Variants in TACC2 observed in about 807,000 individuals in gnomAD.
TACC2 encodes transforming acidic coiled-coil containing protein 2, also known as transforming acidic coiled-coil-containing protein 2.
TACC2 carries 137 observed loss-of-function variants against 227.3 expected under a neutral mutation model. That is an observed-to-expected ratio of 0.60 (90% CI 0.52 to 0.69). The LOEUF (loss-of-function observed/expected upper bound fraction) is 0.69. TACC2 is among the 30% of genes least tolerant of loss of function. The pLI, the probability that TACC2 is intolerant of heterozygous loss-of-function variation, is 0.00. For missense variants in TACC2, 3,470 were observed against 3,694.4 expected, an observed-to-expected ratio of 0.94 and a Z score of 1.57; for synonymous variants, 1,523 against 1,487.5, an observed-to-expected ratio of 1.02 and a Z score of -0.55.
At chr10:122,020,673 C>T (rs1263344738) in intron 1 of TACC2, among the ~76,000 whole-genome samples, 20 of 152,114 alleles carry the variant, frequency 1.3e-4, no homozygotes, top group Admixed American at 1.3e-3. Flanking sequence ...AACTTTTGGC[C>T]TCCCCAAACT....
chr10:122,156,709 G>A (rs1442154480), intron 7 of TACC2, among the ~76,000 whole-genome samples: 1 of 152,136 alleles, frequency 6.6e-6, no homozygotes, highest in Non-Finnish European at 1.5e-5. Flanking sequence ...CAATTCTCTG[G>A]TGTCACTTTA....
chr10:122,064,148 C>T (rs191934305), intron 3 of TACC2, among the ~76,000 whole-genome samples: 57 of 151,958 alleles, frequency 3.8e-4, no homozygotes, highest in African/African-American at 1.3e-3. Context: ...GGTGACAGAG[C>T]GAGACTCTGT....
chr10:122,013,175 C>A (rs1302756895), intron 1 of TACC2, among the ~76,000 whole-genome samples: 3 of 152,110 alleles, frequency 2.0e-5, no homozygotes, highest in African/African-American at 7.2e-5. Flanking sequence ...TTTCCCAGCC[C>A]TGATATTCTA....
chr10:122,029,185 T>C (rs548530413), intron 2 of TACC2, among the ~76,000 whole-genome samples: 1 of 151,828 alleles, frequency 6.6e-6, no homozygotes, highest in East Asian at 1.9e-4. Context: ...AACATAATGC[T>C]TGTAATCAAG....
intron 7 of TACC2, chr10:122,163,653 C>G: frequency 6.3e-6 from 6 of 957,038 alleles, no homozygotes; most frequent in Non-Finnish European, 7.6e-6. Context: ...CCCGCACGCC[C>G]CGGGCAGAGC....
chr10:122,021,893 C>G, intron 1 of TACC2, 44 bp from the exon 2 acceptor site: 2 of 1,247,696 alleles, frequency 1.6e-6, no homozygotes, highest in Non-Finnish European at 2.3e-6. Context: ...AACCTCAGAT[C>G]TTTTTTCATT....
intron 5 of TACC2, among the ~76,000 whole-genome samples, chr10:122,090,546 C>CAAAA (rs1188822419): frequency 1.7e-4 from 7 of 40,936 alleles, no homozygotes; most frequent in African/African-American, 2.6e-4. Flanking sequence ...GACTCTATCT[C>CAAAA]AAAAAAAAAA....
intron 11 of TACC2, among the ~76,000 whole-genome samples, chr10:122,222,965 CTTGGA>C (rs2095549735): frequency 3.3e-5 from 5 of 151,886 alleles, no homozygotes; most frequent in Admixed American, 3.3e-4. Context: ...GAGTTTTATA[CTTGGA>C]AAGTGATAGA....
intron 12 of TACC2, among the ~76,000 whole-genome samples, chr10:122,225,944 T>A (rs1452379126): frequency 6.6e-6 from 1 of 152,186 alleles, no homozygotes; most frequent in Non-Finnish European, 1.5e-5. Context: ...CCAGCTGAGT[T>A]GCTCTCCAGG....
chr10:122,046,503 T>TA (rs1303925277), intron 2 of TACC2, among the ~76,000 whole-genome samples: 1 of 150,666 alleles, frequency 6.6e-6, no homozygotes, highest in Non-Finnish European at 1.5e-5. Flanking sequence ...AAATAATAAT[T>TA]AAAAAAAGAA....
Position 122,249,450 on chromosome 10 carries a change from G to A in TACC2, c.8661-94G>A, listed in dbSNP as rs1015773753. 3.2e-6 allele frequency: 5 copies of A among 1,539,180 alleles called. No homozygotes were observed. In the African/African-American group the frequency reaches 6.8e-5, roughly 21 times the overall value. The stretch of plus-strand genomic sequence containing the variant: ...CTCCAGTTGGTGGCAGCTGGGGCCA[G>A]ACCAGGCCACTCTCCCTGCCTGGAC... On this transcript the variant is annotated intron_variant, in intron 21 of 22. Coordinates refer to ENST00000369005, the MANE Select transcript of TACC2 (RefSeq NM_206862.4).
intron 1 of TACC2, among the ~76,000 whole-genome samples, chr10:121,995,125 A>G (rs1186336924): frequency 2.0e-5 from 3 of 152,322 alleles, no homozygotes; most frequent in Non-Finnish European, 2.9e-5. Flanking sequence ...GGAGAAAGTC[A>G]TTTGAAAGCT....
At chr10:122,134,885 C>T (rs1216478052) in intron 6 of TACC2, among the ~76,000 whole-genome samples, 2 of 152,162 alleles carry the variant, frequency 1.3e-5, no homozygotes, top group African/African-American at 2.4e-5. Flanking sequence ...TTCTGAAGGC[C>T]CCTCCCATGC....
intron 3 of TACC2, among the ~76,000 whole-genome samples, chr10:122,062,939 T>C (rs540638511): frequency 1.2e-4 from 19 of 152,236 alleles, no homozygotes; most frequent in African/African-American, 4.3e-4. Context: ...GGGGGCCTTA[T>C]GAGGAAATCA....
intron 5 of TACC2, among the ~76,000 whole-genome samples, chr10:122,121,926 C>T (rs2085888491): frequency 6.6e-6 from 1 of 152,198 alleles, no homozygotes; most frequent in Non-Finnish European, 1.5e-5. Context: ...ATGGCATGCC[C>T]ACTAGAGGAA....
chr10:122,082,538 T>C, intron 3 of TACC2, 109 bp from the exon 4 acceptor site: 1 of 1,208,516 alleles, frequency 8.3e-7, no homozygotes. Flanking sequence ...GTGTCTGTGG[T>C]TAGGGCACTT....
chr10:122,143,054 C>T (rs2090864881), intron 6 of TACC2, among the ~76,000 whole-genome samples: 1 of 152,210 alleles, frequency 6.6e-6, no homozygotes, highest in Non-Finnish European at 1.5e-5. Flanking sequence ...CTCATTCCTC[C>T]CCCAGGACAC....
chr10:122,040,611 C>T (rs975570019), intron 2 of TACC2, among the ~76,000 whole-genome samples: 4 of 152,134 alleles, frequency 2.6e-5, no homozygotes, highest in Non-Finnish European at 5.9e-5. Context: ...GTCATGATTC[C>T]CATTTATAGC....
chr10:122,208,738 A>G (rs1048395094), intron 8 of TACC2, among the ~76,000 whole-genome samples: 1 of 152,130 alleles, frequency 6.6e-6, no homozygotes, highest in Non-Finnish European at 1.5e-5. Context: ...GCAGAAGGGG[A>G]CTGGGGGTAC....
Sources: gnomAD v4.1 joint callset for allele counts (sites outside exome capture counted in the v4.1 genomes callset) on GRCh38, gnomAD v4.1.1 for gene constraint, MANE v1.5 for transcripts, NCBI Gene and HGNC (gene_info 2026-07-23, HGNC 2026-07-21) for gene names.